SCARA3: variants seen among roughly 807,000 people sequenced by gnomAD.
SCARA3 encodes the protein scavenger receptor class A member 3.
Under a neutral mutation model 47.0 loss-of-function variants are expected in SCARA3, and 39 were observed. That is an observed-to-expected ratio of 0.83 (90% CI 0.64 to 1.08). The LOEUF is 1.08. Ranked by LOEUF, SCARA3 falls within the 50% of genes least tolerant of loss-of-function variation. The pLI is 0.00. For synonymous variants in SCARA3, 356 were observed against 334.1 expected (o/e 1.07, Z -0.71); for missense variants, 724 against 792.3 (o/e 0.91, Z 1.04).
the SCARA3 span, among the ~76,000 whole-genome samples, chr8:27,684,311 A>G: frequency 1.3e-5 from 2 of 152,256 alleles, no homozygotes; most frequent in Non-Finnish European, 2.9e-5. Context: ...ACATTTTCAA[A>G]CTATTTTATA....
the SCARA3 span, among the ~76,000 whole-genome samples, chr8:27,686,656 T>TTA: frequency 2.0e-5 from 3 of 152,152 alleles, no homozygotes; most frequent in Admixed American, 6.5e-5. Flanking sequence ...CCCTTGTTCT[T>TTA]TATTGCTCTG....
the SCARA3 span, among the ~76,000 whole-genome samples, chr8:27,719,941 G>A: frequency 3.3e-5 from 5 of 152,060 alleles, no homozygotes; most frequent in African/African-American, 1.2e-4. Flanking sequence ...TAATGTACAG[G>A]AATTACAGAA....
chr8:27,718,947 C>T, the SCARA3 span, among the ~76,000 whole-genome samples: 2 of 152,324 alleles, frequency 1.3e-5, no homozygotes, highest in East Asian at 3.9e-4. Flanking sequence ...GGAAATCCAA[C>T]AGTCTCAAGA....
chr8:27,674,824 G>T (rs1283488042), downstream of SCARA3, among the ~76,000 whole-genome samples: 1 of 151,154 alleles, frequency 6.6e-6, no homozygotes, highest in Non-Finnish European at 1.5e-5. Context: ...CGCCTCCTGG[G>T]TTCAAGTGAT....
intron 3 of SCARA3, among the ~76,000 whole-genome samples, chr8:27,655,941 G>A (rs1182221089): frequency 1.3e-5 from 2 of 152,164 alleles, no homozygotes; most frequent in Non-Finnish European, 2.9e-5. Context: ...GCCTAAGAAA[G>A]TACAGTAGTC....
chr8:27,713,136 A>T, the SCARA3 span, among the ~76,000 whole-genome samples: 198 of 152,376 alleles, frequency 1.3e-3, no homozygotes, highest in Non-Finnish European at 2.4e-3. Flanking sequence ...ATAGCAAAAG[A>T]TCCAATTCAG....
the SCARA3 span, among the ~76,000 whole-genome samples, chr8:27,686,376 C>T: frequency 5.9e-5 from 9 of 151,630 alleles, no homozygotes; most frequent in African/African-American, 1.9e-4. Context: ...CCTGGGAGGT[C>T]GAGGCTGCAG....
chr8:27,688,671 G>A, the SCARA3 span, among the ~76,000 whole-genome samples: 1 of 152,136 alleles, frequency 6.6e-6, no homozygotes, highest in Non-Finnish European at 1.5e-5. Context: ...GAGCTTCTGA[G>A]ACCTGGAGAG....
the SCARA3 span, among the ~76,000 whole-genome samples, chr8:27,712,356 G>T: frequency 6.6e-6 from 1 of 151,990 alleles, no homozygotes; most frequent in South Asian, 2.1e-4. Context: ...GAGGTCAGGA[G>T]ATCGAGACCA....
chr8:27,675,008 T>A (rs1275058732), downstream of SCARA3, among the ~76,000 whole-genome samples: 1 of 152,144 alleles, frequency 6.6e-6, no homozygotes, highest in East Asian at 1.9e-4. Context: ...ATTACAGGCG[T>A]GAGCCACCGT....
At chr8:27,637,704 G>C (rs1210040896) in intron 1 of SCARA3, among the ~76,000 whole-genome samples, 2 of 152,028 alleles carry the variant, frequency 1.3e-5, no homozygotes. Context: ...AGGCGTGGGA[G>C]AAACAACCCC....
chr8:27,716,579 G>A, the SCARA3 span, among the ~76,000 whole-genome samples: 10 of 152,036 alleles, frequency 6.6e-5, no homozygotes, highest in Non-Finnish European at 1.2e-4. Context: ...AAAGAAACAA[G>A]CAAATACATG....
the SCARA3 span, among the ~76,000 whole-genome samples, chr8:27,713,482 C>T: frequency 3.4e-4 from 52 of 152,314 alleles, no homozygotes; most frequent in Non-Finnish European, 5.4e-4. Context: ...ATACCCTATT[C>T]TTTGTCAAAC....
chr8:27,672,888 C>T lies in SCARA3; in HGVS notation c.*1537C>T, dbSNP rs1427915274. 23 of 985,632 alleles carry T rather than the reference C, an allele frequency of 2.3e-5. No individual in the cohort carries two copies. The highest frequency in any genetic ancestry group is 3.5e-5 in the African/African-American group (2 of 57,254). 61.1% of individuals were successfully genotyped at this position (985,632 alleles called of 1,614,324 possible). On this transcript the variant is annotated 3_prime_UTR_variant, in exon 6 of 6. Coordinates refer to ENST00000301904, the MANE Select transcript of SCARA3 (RefSeq NM_016240.3). ...CCCTTCCCTGCTCAAAGCCTTTCCGCACCCTCCTGACTGTCCTGGATGTGC... is the reference window on the plus strand; with the variant it reads ...CCCTTCCCTGCTCAAAGCCTTTCCGTACCCTCCTGACTGTCCTGGATGTGC...
At chr8:27,691,924 G>A in the SCARA3 span, among the ~76,000 whole-genome samples, 31 of 152,116 alleles carry the variant, frequency 2.0e-4, no homozygotes, top group East Asian at 5.2e-3. Context: ...ACTTCCCTAT[G>A]TATCTCCTGT....
Position 27,670,964 on chromosome 8 carries a change from C to T in SCARA3, c.1434C>T (p.Gly478=), listed in dbSNP as rs559364793. 7.8e-5 allele frequency: 125 copies of T among 1,599,572 alleles called. No homozygotes were observed. Among genetic ancestry groups the T allele is most frequent in the South Asian group, 5.2e-4 (46 of 89,072 alleles). Residue 478 remains glycine (G), a synonymous_variant, in exon 6 of 6, where the codon GGC becomes GGT. Transcript: ENST00000301904. ...ATATGGGCGTGAAAGGGCCTGTTGG[C>T]GGCAGAGGCCCGAAAGGAGACCCCG... ...KGDMGVKGPV[G]GRGPKGDPGS...
intron 1 of SCARA3, among the ~76,000 whole-genome samples, chr8:27,643,727 G>A (rs927317762): frequency 6.6e-6 from 1 of 152,180 alleles, no homozygotes; most frequent in Non-Finnish European, 1.5e-5. Context: ...AACCCACTCT[G>A]TGAACCCTGC....
chr8:27,690,447 G>T, the SCARA3 span, among the ~76,000 whole-genome samples: 3 of 152,060 alleles, frequency 2.0e-5, no homozygotes, highest in Non-Finnish European at 4.4e-5. Flanking sequence ...GTATGTTCAA[G>T]GATATTTATT....
Position 27,672,489 on chromosome 8 carries a change from C to T in SCARA3, c.*1138C>T, listed in dbSNP as rs1802190208. Reference sequence around the variant, plus strand: ...GAGGATTAGGCTGCAGAAGGGCCAACCCCTTGCAACAGGGCAGCTCTCGCC... The same window carrying T: ...GAGGATTAGGCTGCAGAAGGGCCAATCCCTTGCAACAGGGCAGCTCTCGCC... On this transcript the variant is annotated 3_prime_UTR_variant, in exon 6 of 6. Transcript: ENST00000301904. 1.0e-6 allele frequency: 1 copy of T among 985,696 alleles called. No individual in the cohort carries two copies. Among genetic ancestry groups the T allele is most frequent in the Non-Finnish European group, 1.2e-6 (1 of 830,118 alleles). 61.1% of individuals were successfully genotyped at this position (985,696 alleles called of 1,614,324 possible). A position where few individuals can be genotyped will look rare whatever the true frequency, so the allele number is the denominator to read the frequency against.
Sources: allele counts gnomAD v4.1 joint callset (sites outside exome capture counted in the v4.1 genomes callset), GRCh38; gene constraint gnomAD v4.1.1; transcripts MANE v1.5; gene names NCBI Gene and HGNC (gene_info 2026-07-23, HGNC 2026-07-21).